The following CACNA2D3 variants were observed in gnomAD, a reference collection of about 807,000 sequenced individuals.
CACNA2D3 encodes the protein voltage-dependent calcium channel subunit alpha-2/delta-3.
In CACNA2D3, 60 loss-of-function variants were observed where a neutral mutation model predicts 160.6. The ratio of observed to expected loss-of-function variants is 0.37; its 90% CI spans 0.30 to 0.46. CACNA2D3 has a LOEUF of 0.46. Among genes scored for constraint, CACNA2D3 ranks in the 20% least tolerant of loss-of-function variants. CACNA2D3 has a pLI of 1.00. For synonymous variants in CACNA2D3, 558 were observed against 492.9 expected (o/e 1.13, Z -1.75); for missense variants, 1,205 against 1,365.0 (o/e 0.88, Z 1.85).
chr3:54,288,228 T>C (rs545220673), intron 2 of CACNA2D3, among the ~76,000 whole-genome samples: 1 of 152,194 alleles, frequency 6.6e-6, no homozygotes, highest in Non-Finnish European at 1.5e-5. Flanking sequence ...CAATAAAAAA[T>C]GATAAGGGGG....
chr3:54,527,014 C>T (rs1701733703), intron 5 of CACNA2D3, among the ~76,000 whole-genome samples: 1 of 152,190 alleles, frequency 6.6e-6, no homozygotes, highest in Non-Finnish European at 1.5e-5. Context: ...TGTTGACTGA[C>T]TATTCTCTCT....
chr3:54,259,404 T>C (rs1451365720), intron 2 of CACNA2D3, among the ~76,000 whole-genome samples: 1 of 152,144 alleles, frequency 6.6e-6, no homozygotes. Context: ...ATTCTTTAGG[T>C]TTGCTTGTCT....
chr3:54,403,353 TCAAA>T (rs772031699), intron 4 of CACNA2D3, among the ~76,000 whole-genome samples: 3 of 100,284 alleles, frequency 3.0e-5, no homozygotes, highest in African/African-American at 1.3e-4. Flanking sequence ...GGACCCTATC[TCAAA>T]CACACACACA....
At chr3:54,938,914 G>C (rs552151495) in intron 27 of CACNA2D3, among the ~76,000 whole-genome samples, 2 of 152,230 alleles carry the variant, frequency 1.3e-5, no homozygotes, top group South Asian at 4.1e-4. Flanking sequence ...CGCTGAAGCT[G>C]TCCCAGGAGA....
intron 9 of CACNA2D3, among the ~76,000 whole-genome samples, chr3:54,624,628 G>GA (rs951125745): frequency 1.3e-5 from 2 of 151,410 alleles, no homozygotes; most frequent in South Asian, 2.1e-4. Context: ...TCCGTCTCAA[G>GA]AAAAAAAAGA....
intron 5 of CACNA2D3, among the ~76,000 whole-genome samples, chr3:54,549,900 G>A (rs1702128755): frequency 6.6e-6 from 1 of 152,168 alleles, no homozygotes. Flanking sequence ...AAGATGGAAG[G>A]AAGGAATGTT....
chr3:54,834,196 G>T (rs926652858), intron 14 of CACNA2D3, among the ~76,000 whole-genome samples: 4 of 152,124 alleles, frequency 2.6e-5, no homozygotes, highest in Non-Finnish European at 5.9e-5. Flanking sequence ...ATTTTTACTG[G>T]TTGCAGGAAA....
At chr3:54,435,949 A>T (rs961477962) in intron 4 of CACNA2D3, among the ~76,000 whole-genome samples, 1 of 152,164 alleles carries the variant, frequency 6.6e-6, no homozygotes, top group Non-Finnish European at 1.5e-5. Context: ...TTAAGAAAAA[A>T]CCTCACGGGT....
rs540080509 is a variant in CACNA2D3 at position 54,280,302 on chromosome 3, C to T, written c.205-40140C>T. 7.2e-5 allele frequency among the ~76,000 whole-genome samples: 11 copies of T among 152,120 alleles called. No individual in the cohort carries two copies. The East Asian group carries it at 1.6e-3, about 21-fold the overall frequency. On this transcript the variant is annotated intron_variant, in intron 2 of 37. Coordinates refer to ENST00000474759, the MANE Select transcript of CACNA2D3 (RefSeq NM_018398.3). Reference sequence around the variant, plus strand: ...TTCACCATGTTAGCGAGGATGGTCTCGATCTCCTGACCTCATGATCCGCCC... The same window carrying T: ...TTCACCATGTTAGCGAGGATGGTCTTGATCTCCTGACCTCATGATCCGCCC...
chr3:54,978,669 G>A (rs1702444180), intron 29 of CACNA2D3, among the ~76,000 whole-genome samples: 1 of 152,144 alleles, frequency 6.6e-6, no homozygotes, highest in African/African-American at 2.4e-5. Context: ...GCAACTATTG[G>A]AACCAAGCTG....
chr3:54,225,630 A>G (rs974436193), intron 2 of CACNA2D3, among the ~76,000 whole-genome samples: 3 of 152,246 alleles, frequency 2.0e-5, no homozygotes, highest in African/African-American at 7.2e-5. Flanking sequence ...TCTCAGTTCA[A>G]GAATATTCAC....
chr3:54,949,803 T>G (rs1701710932), intron 27 of CACNA2D3, among the ~76,000 whole-genome samples: 1 of 152,068 alleles, frequency 6.6e-6, no homozygotes, highest in East Asian at 1.9e-4. Flanking sequence ...ATGGAAGACT[T>G]TTTTTGCCTG....
intron 2 of CACNA2D3, among the ~76,000 whole-genome samples, chr3:54,188,081 A>G (rs966526435): frequency 6.6e-6 from 1 of 152,198 alleles, no homozygotes; most frequent in African/African-American, 2.4e-5. Flanking sequence ...GTGCTCCCCC[A>G]ACCAGCTGCT....
intron 11 of CACNA2D3, among the ~76,000 whole-genome samples, chr3:54,664,008 C>G (rs1465370986): frequency 6.6e-6 from 1 of 152,136 alleles, no homozygotes; most frequent in Admixed American, 6.5e-5. Context: ...TTGAGCAGGC[C>G]CAGTTCTCAC....
chr3:55,074,220 GTTCTCTTACTGACTGAGA>G lies in CACNA2D3; in HGVS notation c.*16_*33del. 1 of 1,013,102 alleles carries G rather than the reference GTTCTCTTACTGACTGAGA, an allele frequency of 9.9e-7. No individual in the cohort carries two copies. The highest frequency in any genetic ancestry group is 1.5e-5 in the South Asian group (1 of 68,044). 62.8% of individuals were successfully genotyped at this position (1,013,102 alleles called of 1,614,324 possible). ...TTCTCAAGGTGACACTGACTGAGAT[GTTCTCTTACTGACTGAGA>G]TGTTCTCTTGGCATGCTAAATCATG... On this transcript the variant is annotated 3_prime_UTR_variant, in exon 38 of 38. Transcript: ENST00000474759.
At chr3:54,566,539 G>A (rs1387106284) in intron 6 of CACNA2D3, among the ~76,000 whole-genome samples, 1 of 152,170 alleles carries the variant, frequency 6.6e-6, no homozygotes, top group African/African-American at 2.4e-5. Flanking sequence ...TATTTAAAAT[G>A]ATGTGGCTGG....
At chr3:54,553,656 C>T (rs529458321) in intron 5 of CACNA2D3, among the ~76,000 whole-genome samples, 1 of 152,222 alleles carries the variant, frequency 6.6e-6, no homozygotes, top group Non-Finnish European at 1.5e-5. Flanking sequence ...ATTCAGATTC[C>T]CTAGAAGCTG....
intron 11 of CACNA2D3, among the ~76,000 whole-genome samples, chr3:54,675,842 T>C: frequency 6.6e-6 from 1 of 152,128 alleles, no homozygotes; most frequent in East Asian, 1.9e-4. Context: ...TCAGCTTTGT[T>C]TGCCTCAGCA....
intron 3 of CACNA2D3, among the ~76,000 whole-genome samples, chr3:54,327,971 C>G (rs1704153804): frequency 1.3e-5 from 2 of 152,218 alleles, no homozygotes; most frequent in South Asian, 4.1e-4. Flanking sequence ...TCCAATCAAG[C>G]AGCTCTCTCT....
Sources: allele counts gnomAD v4.1 joint callset (sites outside exome capture counted in the v4.1 genomes callset), GRCh38; gene constraint gnomAD v4.1.1; transcripts MANE v1.5; gene names NCBI Gene and HGNC (gene_info 2026-07-23, HGNC 2026-07-21).